TBC1D22A: variants seen among roughly 807,000 people sequenced by gnomAD.
TBC1D22A encodes the protein TBC1 domain family member 22A, also known as putative GTPase activator.
A neutral mutation model predicts 60.2 loss-of-function variants in TBC1D22A; 38 were observed. The observed-to-expected ratio is 0.63, with a 90% CI of 0.49 to 0.83. The LOEUF is 0.83. Ranked by LOEUF, TBC1D22A falls within the 40% of genes least tolerant of loss-of-function variation. The pLI, the probability that TBC1D22A is intolerant of heterozygous loss-of-function variation, is 0.00. For missense variants in TBC1D22A, 628 were observed against 701.0 expected, an observed-to-expected ratio of 0.90 and a Z score of 1.18; for synonymous variants, 302 against 281.7, an observed-to-expected ratio of 1.07 and a Z score of -0.72.
chr22:47,138,831 C>T (rs960056172), intron 12 of TBC1D22A, among the ~76,000 whole-genome samples: 2 of 152,198 alleles, frequency 1.3e-5, no homozygotes, highest in East Asian at 1.9e-4. Context: ...TGTCCTCACA[C>T]GGTGGAACAG....
chr22:47,101,412 C>T (rs1488464979), intron 11 of TBC1D22A, among the ~76,000 whole-genome samples: 4 of 152,216 alleles, frequency 2.6e-5, no homozygotes, highest in East Asian at 1.9e-4. Context: ...CTGCCCTGGT[C>T]GGGCTAGGTA....
rs60010527 is a variant in TBC1D22A at position 46,969,178 on chromosome 22, G to A, written c.1016-5112G>A. Among the ~76,000 whole-genome samples the A allele has an allele frequency of 1.5e-4, 23 of 152,296 alleles. No individual in the cohort carries two copies. In the East Asian group the frequency reaches 4.2e-3, roughly 28 times the overall value. On this transcript the variant is annotated intron_variant, in intron 8 of 12. Transcript: ENST00000337137. ...GGGTATTTATCTGAGGAAGAGACAG[G>A]CCTTATTTAAACTGTTCTAAGTGGC...
intron 12 of TBC1D22A, among the ~76,000 whole-genome samples, chr22:47,119,156 A>G (rs2066180243): frequency 6.6e-6 from 1 of 152,268 alleles, no homozygotes; most frequent in South Asian, 2.1e-4. Flanking sequence ...AAAATAAAAT[A>G]AAATAAAACT....
chr22:47,053,116 C>T (rs112108020), intron 11 of TBC1D22A, among the ~76,000 whole-genome samples: 1 of 151,762 alleles, frequency 6.6e-6, no homozygotes, highest in African/African-American at 2.4e-5. Flanking sequence ...CAGGGCCTCA[C>T]TGCTTCCTGC....
intron 8 of TBC1D22A, among the ~76,000 whole-genome samples, chr22:46,919,132 A>T (rs937041746): frequency 6.6e-6 from 1 of 152,048 alleles, no homozygotes; most frequent in Non-Finnish European, 1.5e-5. Flanking sequence ...GAAATCCTAT[A>T]CTCATTGGCA....
At chr22:46,889,543 C>T (rs1429612908) in intron 5 of TBC1D22A, among the ~76,000 whole-genome samples, 1 of 152,196 alleles carries the variant, frequency 6.6e-6, no homozygotes, top group Non-Finnish European at 1.5e-5. Context: ...AAAGCGTATG[C>T]CCACGAAAAT....
chr22:46,878,349 G>GGA (rs2067675189), intron 4 of TBC1D22A, among the ~76,000 whole-genome samples: 3 of 5,772 alleles, frequency 5.2e-4, no homozygotes, highest in Non-Finnish European at 8.1e-4. Context: ...TGGGAGGGAA[G>GGA]GAGGCCAGTG....
chr22:47,088,051 C>T (rs1028221959), intron 11 of TBC1D22A, among the ~76,000 whole-genome samples: 2 of 150,444 alleles, frequency 1.3e-5, no homozygotes, highest in African/African-American at 4.9e-5. Context: ...CCAGCCTGGG[C>T]AACAGAGCAA....
intron 10 of TBC1D22A, among the ~76,000 whole-genome samples, chr22:47,021,165 G>C (rs538821331): frequency 1.3e-5 from 2 of 151,782 alleles, no homozygotes; most frequent in South Asian, 4.2e-4. Flanking sequence ...CTGGAGCCCT[G>C]AGCAGGGAAC....
intron 10 of TBC1D22A, among the ~76,000 whole-genome samples, chr22:47,024,395 T>C (rs1320032808): frequency 6.6e-6 from 1 of 152,164 alleles, no homozygotes; most frequent in East Asian, 1.9e-4. Context: ...ATGCAAATGA[T>C]CTAGACACTT....
chr22:46,921,503 G>T (rs1274450972), intron 8 of TBC1D22A, among the ~76,000 whole-genome samples: 1 of 152,158 alleles, frequency 6.6e-6, no homozygotes, highest in African/African-American at 2.4e-5. Flanking sequence ...TGGACATTTA[G>T]GTTGTTTCCA....
At chr22:46,882,221 C>G (rs1165024002) in intron 5 of TBC1D22A, among the ~76,000 whole-genome samples, 2 of 152,170 alleles carry the variant, frequency 1.3e-5, no homozygotes, top group Non-Finnish European at 2.9e-5. Flanking sequence ...TTGACTGACT[C>G]TAGCATGCTG....
At chr22:46,822,573 A>T (rs1188565306) in intron 4 of TBC1D22A, among the ~76,000 whole-genome samples, 1 of 152,080 alleles carries the variant, frequency 6.6e-6, no homozygotes, top group East Asian at 1.9e-4. Context: ...ATGCCTAGAG[A>T]TGTCACTCAT....
chr22:46,939,105 G>A lies in TBC1D22A; in HGVS notation c.1015+26917G>A, dbSNP rs530967370. Among the ~76,000 whole-genome samples the A allele has an allele frequency of 1.1e-4, 16 of 145,854 alleles. No individual in the cohort carries two copies. The South Asian group carries it at 1.9e-3, about 17-fold the overall frequency. Reference sequence around the variant, plus strand: ...CTGTTTTTCTTTTAGCTTTCATTAAGCACAGAGAATTTAGAATTTTTTATT... The same window carrying A: ...CTGTTTTTCTTTTAGCTTTCATTAAACACAGAGAATTTAGAATTTTTTATT... On this transcript the variant is annotated intron_variant, in intron 8 of 12. Coordinates refer to ENST00000337137, the MANE Select transcript of TBC1D22A (RefSeq NM_014346.5).
intron 9 of TBC1D22A, among the ~76,000 whole-genome samples, chr22:46,992,310 G>A (rs1401996123): frequency 1.3e-5 from 2 of 152,266 alleles, no homozygotes; most frequent in Admixed American, 6.5e-5. Context: ...CGACCCGTCC[G>A]AAACGTTGCC....
chr22:47,033,021 A>C lies in TBC1D22A; in HGVS notation c.1202-4050A>C, dbSNP rs576610588. Among the ~76,000 whole-genome samples, 62 of 152,366 alleles carry C rather than the reference A, an allele frequency of 4.1e-4. 1 individual carries two copies. Among genetic ancestry groups the C allele is most frequent in the African/African-American group, 1.3e-3 (54 of 41,578 alleles). ...CTGGCTGCTCTTCCCCAAGTAGCCA[A>C]CTGCTCCTTCATGGAAGCTCATTCT... On this transcript the variant is annotated intron_variant, in intron 10 of 12. Transcript: ENST00000337137.
intron 4 of TBC1D22A, among the ~76,000 whole-genome samples, chr22:46,821,157 C>T (rs1602009984): frequency 6.7e-6 from 1 of 149,746 alleles, no homozygotes; most frequent in South Asian, 2.2e-4. Context: ...CTCTTGAATA[C>T]AGCACACTGA....
chr22:46,925,354 G>A (rs1191390501), intron 8 of TBC1D22A, among the ~76,000 whole-genome samples: 1 of 152,224 alleles, frequency 6.6e-6, no homozygotes, highest in Non-Finnish European at 1.5e-5. Context: ...AGTTCCCTGG[G>A]GTTGCTCGTG....
intron 8 of TBC1D22A, among the ~76,000 whole-genome samples, chr22:46,952,105 G>GTTC (rs1269897053): frequency 2.6e-5 from 4 of 152,256 alleles, no homozygotes; most frequent in Non-Finnish European, 4.4e-5. Flanking sequence ...TGGCAAGCAA[G>GTTC]TTCTTACTGA....
Sources: allele counts gnomAD v4.1 joint callset (sites outside exome capture counted in the v4.1 genomes callset), GRCh38; gene constraint gnomAD v4.1.1; transcripts MANE v1.5; gene names NCBI Gene and HGNC (gene_info 2026-07-23, HGNC 2026-07-21).